The following NFASC variants were observed in gnomAD, a reference collection of about 807,000 sequenced individuals.
NFASC encodes neurofascin homolog.
Under a neutral mutation model 147.5 loss-of-function variants are expected in NFASC, and 43 were observed. That is an observed-to-expected ratio of 0.29 (90% CI 0.23 to 0.38). The LOEUF is 0.38. Among genes scored for constraint, NFASC ranks in the 10% least tolerant of loss-of-function variants. The pLI, the probability that NFASC is intolerant of heterozygous loss-of-function variation, is 1.00. For synonymous variants in NFASC, 622 were observed against 665.5 expected (o/e 0.93, Z 1.01); for missense variants, 1,320 against 1,689.0 (o/e 0.78, Z 3.83).
At chr1:204,852,360 C>T (rs12408680) in intron 1 of NFASC, among the ~76,000 whole-genome samples, 29,199 of 152,058 alleles carry the variant, frequency 0.19, 4,053 homozygotes, top group East Asian at 0.53. Flanking sequence ...ATTAGCTGAG[C>T]GTGGTGGCAT....
chr1:204,958,363 A>G (rs1314066004), intron 8 of NFASC, among the ~76,000 whole-genome samples: 1 of 152,200 alleles, frequency 6.6e-6, no homozygotes, highest in Non-Finnish European at 1.5e-5. Flanking sequence ...TATATGCTGA[A>G]CCATATGGAA....
At chr1:204,974,944 T>C in intron 14 of NFASC, 121 bp downstream of exon 14, 1 of 1,030,588 alleles carries the variant, frequency 9.7e-7, no homozygotes, top group Non-Finnish European at 1.5e-6. Context: ...TGGAGTGGGC[T>C]GCCCAGTTTG....
chr1:204,832,468 G>A (rs1672498625), intron 1 of NFASC, among the ~76,000 whole-genome samples: 1 of 152,184 alleles, frequency 6.6e-6, no homozygotes, highest in Non-Finnish European at 1.5e-5. Flanking sequence ...GGAGGTCAGA[G>A]TCAGGTGGGA....
At chr1:204,903,398 A>T (rs907181492) in intron 1 of NFASC, among the ~76,000 whole-genome samples, 4 of 152,122 alleles carry the variant, frequency 2.6e-5, no homozygotes, top group African/African-American at 9.7e-5. Flanking sequence ...TTCACTTGTT[A>T]GCTTGGTCTG....
chr1:204,918,098 C>T (rs1385102094), intron 1 of NFASC, among the ~76,000 whole-genome samples: 1 of 152,098 alleles, frequency 6.6e-6, no homozygotes, highest in African/African-American at 2.4e-5. Context: ...ATCTTGTTTC[C>T]AAGCAAGATC....
chr1:204,930,658 G>A (rs2092284571), intron 2 of NFASC, among the ~76,000 whole-genome samples: 1 of 152,186 alleles, frequency 6.6e-6, no homozygotes, highest in Non-Finnish European at 1.5e-5. Context: ...GGGCATGCTA[G>A]GAAGCACAAG....
At chr1:204,948,580 A>AAAAAC (rs147883938) in intron 3 of NFASC, 73 of 518,606 alleles carry the variant, frequency 1.4e-4, no homozygotes, top group African/African-American at 1.1e-3. Context: ...TGGATTTGTT[A>AAAAAC]AAAACAAAAC....
rs555227583 is a variant in NFASC at position 204,997,100 on chromosome 1, C to T, written c.2783-70C>T. ...CTCACCGGGCTGCCTGCCTTGCACG[C>T]GGGGGCCGTGTGTCCAGGCTGGGCA... On this transcript the variant is annotated intron_variant, in intron 24 of 29. Transcript: ENST00000339876. 1.2e-4 allele frequency: 190 copies of T among 1,557,014 alleles called. 1 individual carries two copies. The South Asian group carries it at 1.3e-3, about 11-fold the overall frequency.
At chr1:204,985,824 A>G in intron 21 of NFASC, 2 of 840,034 alleles carry the variant, frequency 2.4e-6, no homozygotes, top group Non-Finnish European at 3.9e-6. Flanking sequence ...TAGCAAGCAA[A>G]GGAAAGACCG....
chr1:204,906,663 A>G (rs547765482), intron 1 of NFASC, among the ~76,000 whole-genome samples: 35 of 150,452 alleles, frequency 2.3e-4, no homozygotes, highest in African/African-American at 8.0e-4. Context: ...ATTCTCATGC[A>G]GTTTTTTGTG....
rs954489518 is a variant in NFASC, at chr1:204,954,440, G to A, written c.412+56G>A. The A allele has an allele frequency of 3.2e-6, 5 of 1,554,092 alleles. No homozygotes were observed. Among genetic ancestry groups the A allele is most frequent in the East Asian group, 2.3e-5 (1 of 43,944 alleles). On this transcript the variant is annotated intron_variant, in intron 6 of 29. Transcript: ENST00000339876. This position sits in a 1 kb window ranked among gnomAD's most constrained non-coding sequence, Gnocchi z 5.7. The stretch of plus-strand genomic sequence containing the variant: ...CTGCTCCTGGGTAAATGGAGAGTGG[G>A]GGGTGTGGAAGGCCATTCCAGAAGG...
chr1:204,979,217 C>T lies in NFASC; in HGVS notation c.1979-145C>T. ...AGAATGTACAGAGGCCTTGGTGTCT[C>T]TTCCTGTGCCTTGGGAAGAATTCTC... is the stretch of plus-strand genomic sequence containing the variant. On this transcript the variant is annotated intron_variant, in intron 18 of 29. Transcript: ENST00000339876. The surrounding 1 kb of genome is among the most constrained non-coding windows in gnomAD (Gnocchi z 6.0). 1 of 939,584 alleles carries T rather than the reference C, an allele frequency of 1.1e-6. No individual in the cohort carries two copies. The highest frequency in any genetic ancestry group is 1.7e-6 in the Non-Finnish European group (1 of 601,174). The allele number at this position is 939,584 out of a possible 1,614,324, so 58.2% of individuals were successfully genotyped here.
intron 2 of NFASC, among the ~76,000 whole-genome samples, chr1:204,926,720 C>G (rs2091670867): frequency 6.7e-6 from 1 of 150,144 alleles, no homozygotes; most frequent in South Asian, 2.2e-4. Flanking sequence ...TGCCTTATTA[C>G]TATTTTTAAA....
At chr1:204,855,656 C>T (rs1434370076) in intron 1 of NFASC, among the ~76,000 whole-genome samples, 1 of 152,140 alleles carries the variant, frequency 6.6e-6, no homozygotes, top group Non-Finnish European at 1.5e-5. Flanking sequence ...CCAGGGCTGC[C>T]TCACACAAGG....
intron 1 of NFASC, among the ~76,000 whole-genome samples, chr1:204,883,244 G>A (rs12022103): frequency 0.033 from 5,054 of 152,250 alleles, 292 homozygotes; most frequent in East Asian, 0.21. Flanking sequence ...GCTGAAACAC[G>A]GCAGCCTGAC....
chr1:204,926,893 G>A (rs1448247556), intron 2 of NFASC, among the ~76,000 whole-genome samples: 4 of 151,912 alleles, frequency 2.6e-5, no homozygotes, highest in African/African-American at 9.7e-5. Context: ...GGTCAACATG[G>A]TGAAACCCCG....
intron 1 of NFASC, among the ~76,000 whole-genome samples, chr1:204,843,922 C>CGGGGGTTTTTAGTAT: frequency 6.6e-6 from 1 of 152,000 alleles, no homozygotes; most frequent in African/African-American, 2.4e-5. Context: ...GTTTTTAGTA[C>CGGGGGTTTTTAGTAT]AGACGGGGTT....
At chr1:204,910,916 T>A (rs938497450) in intron 1 of NFASC, among the ~76,000 whole-genome samples, 1 of 152,192 alleles carries the variant, frequency 6.6e-6, no homozygotes, top group Non-Finnish European at 1.5e-5. Flanking sequence ...GTGGCCTATA[T>A]GCATTTTATT....
chr1:204,859,233 G>T (rs558806333), intron 1 of NFASC, among the ~76,000 whole-genome samples: 1 of 152,204 alleles, frequency 6.6e-6, no homozygotes, highest in African/African-American at 2.4e-5. Context: ...CCACCTCGGC[G>T]AATGCACTGA....
Sources: gnomAD v4.1 joint callset for allele counts (sites outside exome capture counted in the v4.1 genomes callset) on GRCh38, gnomAD v4.1.1 for gene constraint, Gnocchi (gnomAD v3.1) non-coding constraint, MANE v1.5 for transcripts, NCBI Gene and HGNC (gene_info 2026-07-23, HGNC 2026-07-21) for gene names.